Variants in PES1 observed in about 807,000 individuals in gnomAD.
PES1 encodes pescadillo homolog.
Under a neutral mutation model 77.1 loss-of-function variants are expected in PES1, and 31 were observed. That is an observed-to-expected ratio of 0.40 (90% CI 0.30 to 0.54). The LOEUF is 0.54. PES1 is among the 20% of genes least tolerant of loss of function. The probability of loss-of-function intolerance (pLI) is 0.45; values close to 1 mark genes in which losing one functional copy is unlikely to be tolerated. For missense variants in PES1, 658 were observed against 771.7 expected (o/e 0.85, Z 1.75); for synonymous variants, 282 against 303.0 (o/e 0.93, Z 0.72).
upstream of PES1, among the ~76,000 whole-genome samples, chr22:30,595,815 G>C (rs1294669581): frequency 6.6e-6 from 1 of 152,158 alleles, no homozygotes; most frequent in Non-Finnish European, 1.5e-5. Flanking sequence ...CAGGGGTGGA[G>C]GTGTAATCCG....
rs993972447 is a variant in PES1 at position 30,591,888 on chromosome 22, C to G, written c.-55G>C. 70 of 1,529,590 alleles carry G rather than the reference C, an allele frequency of 4.6e-5. No homozygotes were observed. The highest frequency in any genetic ancestry group is 6.0e-5 in the Non-Finnish European group (68 of 1,140,596). The allele number at this position is 1,529,590 out of a possible 1,614,324, so 94.8% of individuals were successfully genotyped here. ...GCGCGTACAGGGAGCTCCACTTCCTCCCGCACGTGCCCTGCCAAGGACCCC... is the reference window on the plus strand; with the variant it reads ...GCGCGTACAGGGAGCTCCACTTCCTGCCGCACGTGCCCTGCCAAGGACCCC... On this transcript the variant is annotated 5_prime_UTR_variant, in exon 1 of 15. Transcript: ENST00000354694.
At chr22:30,597,613 G>A (rs1348309748) in intron 2 of PES1, among the ~76,000 whole-genome samples, 1 of 151,322 alleles carries the variant, frequency 6.6e-6, no homozygotes, top group East Asian at 1.9e-4. Flanking sequence ...TCTAGCTCAG[G>A]GTTTGTAAAT....
chr22:30,596,265 T>C (rs2087250721), upstream of PES1, among the ~76,000 whole-genome samples: 1 of 152,206 alleles, frequency 6.6e-6, no homozygotes, highest in Admixed American at 6.5e-5. Flanking sequence ...TGGAGATTTT[T>C]TCTATATAGT....
chr22:30,582,670 TTA>T (rs2087005130), intron 6 of PES1, among the ~76,000 whole-genome samples: 3 of 152,168 alleles, frequency 2.0e-5, no homozygotes, highest in Non-Finnish European at 4.4e-5. Flanking sequence ...CCCATGACTC[TTA>T]GCTGTTCCGC....
chr22:30,594,940 T>G (rs1602024483), upstream of PES1, among the ~76,000 whole-genome samples: 1 of 151,776 alleles, frequency 6.6e-6, no homozygotes, highest in African/African-American at 2.4e-5. Flanking sequence ...TGCAGTGAGG[T>G]GTGTTCACGC....
At chr22:30,597,666 T>C (rs1278809524) in intron 2 of PES1, among the ~76,000 whole-genome samples, 1 of 151,590 alleles carries the variant, frequency 6.6e-6, no homozygotes, top group Non-Finnish European at 1.5e-5. Flanking sequence ...AGTGGGGTCC[T>C]GGAGAACTTT....
At chr22:30,580,234 G>C in intron 10 of PES1, 56 bp from the exon 11 acceptor site, 1 of 1,559,950 alleles carries the variant, frequency 6.4e-7, no homozygotes, top group Non-Finnish European at 8.7e-7. Context: ...CCTGTCCTGA[G>C]ACTCAGCTCC....
intron 4 of PES1, 48 bp from the exon 5 acceptor site, chr22:30,584,765 C>G (rs370207524): frequency 2.8e-4 from 442 of 1,590,594 alleles, no homozygotes; most frequent in Admixed American, 3.7e-4. Flanking sequence ...GCGTGGGTGC[C>G]AAGGGGGACC....
rs768059240 is a variant in PES1 at position 30,580,597 on chromosome 22, G to A, written c.1017C>T (p.Pro339=). The A allele has an allele frequency of 2.5e-6, 4 of 1,613,762 alleles. No individual in the cohort carries two copies. The highest frequency in any genetic ancestry group is 3.4e-6 in the Non-Finnish European group (4 of 1,180,004). ...GLKFFLNREV[P]REALAFIIRS... ...TGATGATGAAGGCCAGGGCCTCACG[G>A]GGCACCTCTCGGTTCAGGAAGAACT... Residue 339 remains proline, a synonymous_variant, in exon 10 of 15, where the codon CCC becomes CCT. Transcript: ENST00000354694.
chr22:30,577,233 G>C, intron 14 of PES1, 104 bp from the exon 15 acceptor site: 1 of 975,478 alleles, frequency 1.0e-6, no homozygotes, highest in East Asian at 2.5e-5. Context: ...TTCAAGAAAA[G>C]GTCACAAATT....
Position 30,580,189 on chromosome 22 carries a change from A to G in PES1, c.1044-11T>C. 6.2e-7 allele frequency: 1 copy of G among 1,608,130 alleles called. No individual in the cohort carries two copies. Among genetic ancestry groups the G allele is most frequent in the Non-Finnish European group, 8.5e-7 (1 of 1,177,002 alleles). On this transcript the variant is annotated splice_polypyrimidine_tract_variant and intron_variant, in intron 10 of 14. Transcript: ENST00000354694. ...TCCCCACCAAAACTCCTACAGGGAC[A>G]GGGAGAGCCCACACGGGTACACAGA...
rs775294275 is a variant in PES1, at chr22:30,587,376, C to T, written c.278G>A (p.Arg93Gln). 9.3e-6 allele frequency: 15 copies of T among 1,613,854 alleles called. No homozygotes were observed. The highest frequency in any genetic ancestry group is 4.0e-5 in the African/African-American group (3 of 74,900). The change falls in exon 4 of 15, where the codon CGG (arginine) becomes CAG (glutamine). Residue 93 changes from arginine (R) to glutamine (Q), a missense_variant. Physicochemically the swap from Arg to Gln is conservative, Grantham distance 43 (BLOSUM62 1). Transcript: ENST00000354694. ...CCACTCGCTCTTCCCATAAGCCTTC[C>T]GGAGCTTCCGGACGAACACCTGGAA... ...REYKVFVRKL[R>Q]KAYGKSEWNT...
upstream of PES1, among the ~76,000 whole-genome samples, chr22:30,596,015 T>C (rs1430101302): frequency 2.0e-5 from 3 of 152,214 alleles, no homozygotes; most frequent in African/African-American, 7.2e-5. Flanking sequence ...AAAGACATGC[T>C]AGCTTTTTTG....
At chr22:30,599,657 T>C (rs2087324028) in intron 2 of PES1, among the ~76,000 whole-genome samples, 1 of 152,270 alleles carries the variant, frequency 6.6e-6, no homozygotes, top group South Asian at 2.1e-4. Context: ...CCCAGCACTT[T>C]GGGAGGCTGA....
At chr22:30,592,270 G>A, upstream of PES1, 1 of 999,312 alleles carries the variant, frequency 1.0e-6, no homozygotes, top group Non-Finnish European at 1.2e-6. Flanking sequence ...GCGTTGTCAA[G>A]GTAACGGTTG....
At chr22:30,581,309 G>C (rs371667174) in intron 8 of PES1, 25 bp downstream of exon 8, 1 of 1,609,278 alleles carries the variant, frequency 6.2e-7, no homozygotes, top group South Asian at 1.1e-5. Flanking sequence ...GGGAGATGCC[G>C]GATGATGCTC....
At position 30,579,188 on chromosome 22, in the gene PES1, C is replaced by T. The variant is rs1300647901; in HGVS notation, c.1470G>A (p.Lys490=). The T allele has an allele frequency of 3.7e-6, 6 of 1,608,306 alleles. No individual in the cohort carries two copies. The highest frequency in any genetic ancestry group is 2.2e-5 in the East Asian group (1 of 44,846). Residue 490 remains lysine (K), a synonymous_variant, in exon 13 of 15, where the codon AAG becomes AAA. Transcript: ENST00000354694. ...EEEDAEAGSE[K]EEEARLAALE... ...GGGCTGCCAGCCGGGCCTCTTCCTC[C>T]TTTTCTGAACCAGCCTCTGCATCTT...
rs545847882 is a variant in PES1, at chr22:30,586,348, T to C, written c.368+938A>G. Among the ~76,000 whole-genome samples the C allele has an allele frequency of 3.7e-4, 57 of 152,278 alleles. No homozygotes were observed. The South Asian group carries it at 0.012, about 31-fold the overall frequency. On this transcript the variant is annotated intron_variant, in intron 4 of 14. Transcript: ENST00000354694. ...ATGCGAACACCAGCTGTCTAGCTCC[T>C]AGGCCAGGGCACTTCCTGTGACAGC...
intron 4 of PES1, chr22:30,585,087 A>G: frequency 2.6e-6 from 1 of 391,312 alleles, no homozygotes; most frequent in South Asian, 2.0e-5. Context: ...CTCTACAGGG[A>G]GGTCCAAAAT....
Sources: allele counts gnomAD v4.1 joint callset (sites outside exome capture counted in the v4.1 genomes callset), GRCh38; gene constraint gnomAD v4.1.1; transcripts MANE v1.5; gene names NCBI Gene and HGNC (gene_info 2026-07-23, HGNC 2026-07-21).